Variants in ICA1 observed in about 807,000 individuals in gnomAD.
ICA1 encodes 69 kDa islet cell autoantigen.
ICA1 carries 40 observed loss-of-function variants against 71.0 expected under a neutral mutation model. That is an observed-to-expected ratio of 0.56 (90% CI 0.44 to 0.73). The LOEUF (loss-of-function observed/expected upper bound fraction) is 0.73, where lower values mean the gene tolerates loss of function less well. ICA1 is among the 30% of genes least tolerant of loss of function. ICA1 has a pLI of 0.00. For synonymous variants in ICA1, 207 were observed against 209.5 expected (o/e 0.99, Z 0.10); for missense variants, 578 against 576.5 (o/e 1.00, Z -0.03).
chr7:8,176,467 A>G (rs1231326870), intron 6 of ICA1, among the ~76,000 whole-genome samples: 1 of 152,182 alleles, frequency 6.6e-6, no homozygotes, highest in Non-Finnish European at 1.5e-5. Flanking sequence ...AAACCGTGGT[A>G]AGTGCCACCT....
At chr7:8,159,975 C>G (rs1034203634) in intron 6 of ICA1, among the ~76,000 whole-genome samples, 6 of 151,900 alleles carry the variant, frequency 3.9e-5, no homozygotes, top group Non-Finnish European at 5.9e-5. Context: ...TTGGAAGTAA[C>G]ACTGATGTAT....
At chr7:8,180,264 T>C (rs1781804644) in intron 6 of ICA1, among the ~76,000 whole-genome samples, 1 of 152,162 alleles carries the variant, frequency 6.6e-6, no homozygotes, top group African/African-American at 2.4e-5. Context: ...AAACATTATA[T>C]AAATGAAGTC....
At chr7:8,239,858 A>G (rs1803163739) in intron 1 of ICA1, among the ~76,000 whole-genome samples, 1 of 152,200 alleles carries the variant, frequency 6.6e-6, no homozygotes, top group Non-Finnish European at 1.5e-5. Flanking sequence ...GGCGTCTGCC[A>G]TTGCTGAGGC....
chr7:8,129,835 T>C (rs1464680488), intron 12 of ICA1, among the ~76,000 whole-genome samples: 1 of 151,094 alleles, frequency 6.6e-6, no homozygotes, highest in African/African-American at 2.4e-5. Context: ...GTATATCTCC[T>C]AATGGTATCC....
At chr7:8,201,642 G>T (rs562951157) in intron 6 of ICA1, among the ~76,000 whole-genome samples, 2 of 152,208 alleles carry the variant, frequency 1.3e-5, no homozygotes, top group African/African-American at 4.8e-5. Context: ...AAAAAGGGCC[G>T]AGTTTAGCTC....
chr7:8,138,258 C>T (rs1253681307), intron 12 of ICA1, among the ~76,000 whole-genome samples: 1 of 152,178 alleles, frequency 6.6e-6, no homozygotes, highest in Non-Finnish European at 1.5e-5. Context: ...CTTAACTAAG[C>T]AAACTCTCCC....
At chr7:8,139,848 T>C (rs1794627496) in intron 10 of ICA1, among the ~76,000 whole-genome samples, 1 of 152,222 alleles carries the variant, frequency 6.6e-6, no homozygotes, top group African/African-American at 2.4e-5. Flanking sequence ...ATAAAGTGTG[T>C]CTGTGTGTGT....
At chr7:8,138,932 A>T in intron 11 of ICA1, 51 bp from the exon 12 acceptor site, 1 of 1,594,984 alleles carries the variant, frequency 6.3e-7, no homozygotes, top group Non-Finnish European at 8.6e-7. Flanking sequence ...TCATTTTGTG[A>T]GGAGTTTGAG....
chr7:8,178,255 T>C (rs1020214596), intron 6 of ICA1, among the ~76,000 whole-genome samples: 4 of 152,170 alleles, frequency 2.6e-5, no homozygotes, highest in African/African-American at 9.7e-5. Flanking sequence ...GAAGCACATA[T>C]CTTGATTCCC....
At chr7:8,261,566 G>C (rs1033427427) in intron 1 of ICA1, among the ~76,000 whole-genome samples, 1 of 152,086 alleles carries the variant, frequency 6.6e-6, no homozygotes, top group Non-Finnish European at 1.5e-5. Flanking sequence ...TGGTTATAAA[G>C]AGGTACCCAT....
chr7:8,149,269 A>G (rs1309419651), intron 8 of ICA1, among the ~76,000 whole-genome samples: 1 of 152,244 alleles, frequency 6.6e-6, no homozygotes, highest in Non-Finnish European at 1.5e-5. Context: ...TCTCATTAAA[A>G]TTGCTCATGA....
chr7:8,174,775 A>C (rs368686599), intron 6 of ICA1, among the ~76,000 whole-genome samples: 1 of 111,344 alleles, frequency 9.0e-6, no homozygotes, highest in Non-Finnish European at 1.9e-5. Flanking sequence ...AAAAAAAAAA[A>C]AAAACAGAGA....
rs77256293 is a variant in ICA1 at position 8,228,662 on chromosome 7, T to G, written c.195A>C (p.Ser65=). The change falls in exon 4 of 14, where the codon TCA becomes TCC. Residue 65 remains serine (S), a synonymous_variant. Transcript: ENST00000402384. ...DLDAKLELFH[S]IQRTCLDLSK... ...ATAAGTCCAGACAGGTTCTCTGAAT[T>G]GAATGAAACAGCTGTAATAAAAATA... 5.0e-4 allele frequency: 803 copies of G among 1,598,008 alleles called. 6 individuals are homozygous for G. The African/African-American group carries it at 9.0e-3, about 18-fold the overall frequency.
At chr7:8,140,800 A>G (rs887505336) in intron 10 of ICA1, among the ~76,000 whole-genome samples, 1 of 152,256 alleles carries the variant, frequency 6.6e-6, no homozygotes, top group Non-Finnish European at 1.5e-5. Context: ...GTTGAAAGGC[A>G]GATAGGAGAA....
intron 6 of ICA1, among the ~76,000 whole-genome samples, chr7:8,217,267 G>C (rs1478066052): frequency 6.6e-6 from 1 of 152,106 alleles, no homozygotes; most frequent in Non-Finnish European, 1.5e-5. Context: ...CAGAGGGAAG[G>C]GTTCTAAATC....
At chr7:8,196,925 C>T (rs185983514) in intron 6 of ICA1, among the ~76,000 whole-genome samples, 5 of 152,026 alleles carry the variant, frequency 3.3e-5, no homozygotes, top group Admixed American at 6.5e-5. Context: ...TCTTTCCTCC[C>T]GCCATGTGAC....
chr7:8,181,940 C>T (rs962296644), intron 6 of ICA1, among the ~76,000 whole-genome samples: 1 of 152,122 alleles, frequency 6.6e-6, no homozygotes, highest in South Asian at 2.1e-4. Context: ...ATTACTGGAG[C>T]AATGTTCTTT....
At chr7:8,211,468 G>T (rs1176413055) in intron 6 of ICA1, among the ~76,000 whole-genome samples, 3 of 152,144 alleles carry the variant, frequency 2.0e-5, no homozygotes, top group Non-Finnish European at 4.4e-5. Flanking sequence ...TGTAGATCAG[G>T]TCTCATTCTA....
At chr7:8,161,940 A>G (rs1803997303) in intron 6 of ICA1, among the ~76,000 whole-genome samples, 1 of 152,250 alleles carries the variant, frequency 6.6e-6, no homozygotes, top group Non-Finnish European at 1.5e-5. Context: ...GAAACAGACA[A>G]TGAAGGCTTC....
Sources: allele counts gnomAD v4.1 joint callset (sites outside exome capture counted in the v4.1 genomes callset), GRCh38; gene constraint gnomAD v4.1.1; transcripts MANE v1.5; gene names NCBI Gene and HGNC (gene_info 2026-07-23, HGNC 2026-07-21).